AAK1: variants seen among roughly 807,000 people sequenced by gnomAD.
AAK1 encodes the protein AP2 associated kinase 1, also known as AP2-associated protein kinase 1.
AAK1 carries 37 observed loss-of-function variants against 116.0 expected under a neutral mutation model. That is an observed-to-expected ratio of 0.32 (90% CI 0.25 to 0.42). The LOEUF is 0.42. Ranked by LOEUF, AAK1 falls within the 10% of genes least tolerant of loss-of-function variation. The pLI is 1.00. For missense variants in AAK1, 919 were observed against 1,170.6 expected (o/e 0.79, Z 3.14); for synonymous variants, 458 against 439.9 (o/e 1.04, Z -0.51).
intron 7 of AAK1, among the ~76,000 whole-genome samples, 168 bp from the exon 8 acceptor site, chr2:69,530,308 G>C (rs561132142): frequency 6.6e-6 from 1 of 152,258 alleles, no homozygotes; most frequent in South Asian, 2.1e-4. Context: ...GTTAGCAGCT[G>C]AGTTACATTA....
intron 2 of AAK1, among the ~76,000 whole-genome samples, chr2:69,611,621 T>G (rs1046648612): frequency 6.6e-6 from 1 of 152,166 alleles, no homozygotes; most frequent in African/African-American, 2.4e-5. Flanking sequence ...CCTTATTGGT[T>G]CTGTCCCTCT....
At chr2:69,604,637 A>ACT (rs1673720091) in intron 2 of AAK1, among the ~76,000 whole-genome samples, 1 of 152,198 alleles carries the variant, frequency 6.6e-6, no homozygotes, top group Non-Finnish European at 1.5e-5. Flanking sequence ...CAGGATGGAG[A>ACT]AGGAACAGAG....
At chr2:69,569,782 T>G (rs969100260) in intron 2 of AAK1, among the ~76,000 whole-genome samples, 2 of 152,162 alleles carry the variant, frequency 1.3e-5, no homozygotes, top group African/African-American at 4.8e-5. Context: ...CTCATCATAA[T>G]TGTTTATGTT....
In AAK1 at chr2:69,530,068, C is replaced by T. The variant is rs751548155; in HGVS notation, c.811G>A (p.Asp271Asn). ...PFGESQVAIC[D>N]GNFTIPDNSR... ...TTATCAGGAATTGTGAAGTTTCCAT[C>T]ACAAATTGCCACCTGACTTTCCCCA... Residue 271 changes from aspartate (D) to asparagine (N), a missense_variant, in exon 8 of 22, where the codon GAT (aspartate) becomes AAT (asparagine). By Grantham distance (23) the Asp-to-Asn change is conservative (BLOSUM62 1). Around this residue, in one of 4 missense-constraint regions of AAK1, gnomAD observed 317 missense variants for 490.4 expected, o/e 0.65. Transcript: ENST00000409085. 2 of 1,609,806 alleles carry T rather than the reference C, an allele frequency of 1.2e-6. No homozygotes were observed. Among genetic ancestry groups the T allele is most frequent in the Non-Finnish European group, 1.7e-6 (2 of 1,178,082 alleles).
chr2:69,544,589 A>C, intron 3 of AAK1, 45 bp from the exon 4 acceptor site: 1 of 1,377,378 alleles, frequency 7.3e-7, no homozygotes, highest in Non-Finnish European at 1.0e-6. Context: ...TCAGATGCCA[A>C]TAGGACAGAA....
intron 2 of AAK1, among the ~76,000 whole-genome samples, chr2:69,604,883 T>A (rs916000879): frequency 1.3e-5 from 2 of 152,222 alleles, no homozygotes; most frequent in African/African-American, 4.8e-5. Context: ...AAATTTTGGC[T>A]AATGGAGCCA....
intron 16 of AAK1, among the ~76,000 whole-genome samples, chr2:69,504,974 T>C (rs780571531): frequency 6.6e-6 from 1 of 152,216 alleles, no homozygotes; most frequent in Admixed American, 6.5e-5. Context: ...TCAAAATGTA[T>C]AATTTTTTAT....
intron 3 of AAK1, among the ~76,000 whole-genome samples, chr2:69,548,254 A>G (rs1274869617): frequency 6.6e-6 from 1 of 152,212 alleles, no homozygotes; most frequent in African/African-American, 2.4e-5. Context: ...TTGTATACAC[A>G]CAAAAGTAAC....
At chr2:69,640,079 T>C (rs865889211) in intron 2 of AAK1, among the ~76,000 whole-genome samples, 80 of 136,400 alleles carry the variant, frequency 5.9e-4, no homozygotes, top group Middle Eastern at 3.8e-3. Flanking sequence ...TCTCTCTCTC[T>C]CCCCCCCCAC....
chr2:69,499,620 AT>A (rs1441971094), intron 16 of AAK1, among the ~76,000 whole-genome samples: 4 of 152,194 alleles, frequency 2.6e-5, no homozygotes, highest in Non-Finnish European at 4.4e-5. Context: ...AGTCTCTATA[AT>A]TTTGTTATTA....
chr2:69,563,842 T>C (rs1243289854), intron 2 of AAK1, among the ~76,000 whole-genome samples: 1 of 152,194 alleles, frequency 6.6e-6, no homozygotes, highest in Non-Finnish European at 1.5e-5. Context: ...GAGACGTAAA[T>C]GAACACTGAA....
At chr2:69,530,411 T>A (rs764773791) in intron 7 of AAK1, among the ~76,000 whole-genome samples, 2 of 152,148 alleles carry the variant, frequency 1.3e-5, no homozygotes, top group Non-Finnish European at 2.9e-5. Flanking sequence ...TGAAAAAAAA[T>A]CTAAATAATT....
intron 2 of AAK1, among the ~76,000 whole-genome samples, chr2:69,615,112 T>C (rs1307159901): frequency 6.6e-6 from 1 of 152,210 alleles, no homozygotes; most frequent in Non-Finnish European, 1.5e-5. Flanking sequence ...TGCTGTCCTC[T>C]TTCCTCATGG....
chr2:69,580,180 A>G (rs1672484785), intron 2 of AAK1, among the ~76,000 whole-genome samples: 1 of 152,152 alleles, frequency 6.6e-6, no homozygotes, highest in Non-Finnish European at 1.5e-5. Context: ...TTTTTCTCCT[A>G]GACTACTAGA....
At chr2:69,617,046 T>C (rs1185023752) in intron 2 of AAK1, among the ~76,000 whole-genome samples, 1 of 152,076 alleles carries the variant, frequency 6.6e-6, no homozygotes, top group Non-Finnish European at 1.5e-5. Context: ...ACCTACAAGA[T>C]AGAAGGATGT....
intron 12 of AAK1, among the ~76,000 whole-genome samples, chr2:69,515,882 A>C (rs1676562314): frequency 6.6e-6 from 1 of 152,224 alleles, no homozygotes; most frequent in South Asian, 2.1e-4. Context: ...AAAATACTGG[A>C]AACAACCCAA....
intron 2 of AAK1, among the ~76,000 whole-genome samples, chr2:69,593,571 TA>T (rs1406379431): frequency 1.3e-5 from 2 of 152,062 alleles, no homozygotes; most frequent in Non-Finnish European, 2.9e-5. Context: ...GCTGAAGAGC[TA>T]AATACCATAC....
chr2:69,519,868 AT>A (rs1022821580), intron 11 of AAK1, among the ~76,000 whole-genome samples: 10 of 149,472 alleles, frequency 6.7e-5, no homozygotes, highest in East Asian at 1.9e-4. Flanking sequence ...TCTTGTTTCT[AT>A]TTTTTTTTTA....
chr2:69,634,846 C>T (rs1299681004), intron 2 of AAK1, among the ~76,000 whole-genome samples: 2 of 152,096 alleles, frequency 1.3e-5, no homozygotes, highest in African/African-American at 4.8e-5. Context: ...GTAAGTATTG[C>T]AATATTTTTG....
Sources: gnomAD v4.1 joint callset for allele counts (sites outside exome capture counted in the v4.1 genomes callset) on GRCh38, gnomAD v4.1.1 for gene constraint, gnomAD v4.1.1 regional missense constraint, MANE v1.5 for transcripts, NCBI Gene and HGNC (gene_info 2026-07-23, HGNC 2026-07-21) for gene names.